The following TRPC7 variants were observed in gnomAD, a reference collection of about 807,000 sequenced individuals.
The protein encoded by TRPC7 is transient receptor potential cation channel subfamily C member 7.
In TRPC7, 42 loss-of-function variants were observed where a neutral mutation model predicts 90.1. That is an observed-to-expected ratio of 0.47 (90% CI 0.36 to 0.60). The LOEUF is 0.60. Among genes scored for constraint, TRPC7 ranks in the 20% least tolerant of loss-of-function variants. The probability of loss-of-function intolerance (pLI) is 0.00; values close to 1 mark genes in which losing one functional copy is unlikely to be tolerated. For synonymous variants in TRPC7, 451 were observed against 436.3 expected (o/e 1.03, Z -0.42); for missense variants, 955 against 1,112.3 (o/e 0.86, Z 2.01).
intron 4 of TRPC7, among the ~76,000 whole-genome samples, chr5:136,270,761 C>T (rs1269377546): frequency 6.6e-6 from 1 of 152,190 alleles, no homozygotes; most frequent in African/African-American, 2.4e-5. Context: ...TGGGCTAAGT[C>T]TGAAAGTGAT....
chr5:136,355,607 G>A (rs1381037670), intron 2 of TRPC7, among the ~76,000 whole-genome samples: 1 of 74,584 alleles, frequency 1.3e-5, no homozygotes, highest in African/African-American at 3.3e-5. Context: ...GACCATCCTG[G>A]CTAACATGGT....
chr5:136,363,279 C>G (rs1760624620), intron 1 of TRPC7, among the ~76,000 whole-genome samples: 1 of 152,108 alleles, frequency 6.6e-6, no homozygotes, highest in Non-Finnish European at 1.5e-5. Context: ...CTAAGTATCA[C>G]CTTCCTTTTT....
At chr5:136,231,579 A>G (rs1442926405) in intron 7 of TRPC7, 30 bp from the exon 8 acceptor site, 2 of 1,544,896 alleles carry the variant, frequency 1.3e-6, no homozygotes, top group Admixed American at 1.9e-5. Context: ...CCTTTTACGC[A>G]GTTTGCATCA....
At chr5:136,245,012 C>T (rs1017824576) in intron 7 of TRPC7, among the ~76,000 whole-genome samples, 3 of 152,196 alleles carry the variant, frequency 2.0e-5, no homozygotes, top group Non-Finnish European at 4.4e-5. Context: ...CACTTTATGC[C>T]AAGCATTGCA....
rs529330866 is a variant in TRPC7 at position 136,299,340 on chromosome 5, CGTGTGTGTGTGTGTGT to C, written c.963+16241_963+16256del. ...GAAATTTCTCTGACTGGGGTGTGTGCGTGTGTGTGTGTGTGTGTGTGTGTGTGTGTGTGTGTGTGGT... is the reference window on the plus strand; with the variant it reads ...GAAATTTCTCTGACTGGGGTGTGTGCGTGTGTGTGTGTGTGTGTGTGTGGT... On this transcript the variant is annotated intron_variant, in intron 3 of 11. Transcript: ENST00000513104. 1.6e-4 allele frequency among the ~76,000 whole-genome samples: 20 copies of C among 122,724 alleles called. 2 individuals carry two copies. The highest frequency in any genetic ancestry group is 1.3e-3 in the Admixed American group (16 of 12,228). 80.5% of individuals were successfully genotyped at this position (122,724 alleles called of 152,430 possible).
chr5:136,216,179 G>T (rs1289810838), intron 11 of TRPC7, 21 bp downstream of exon 11: 3 of 1,600,252 alleles, frequency 1.9e-6, no homozygotes, highest in Admixed American at 3.4e-5. Context: ...TCACCACGTG[G>T]GTGGAAATCC....
chr5:136,287,838 A>G (rs1757783485), intron 3 of TRPC7, among the ~76,000 whole-genome samples: 1 of 151,954 alleles, frequency 6.6e-6, no homozygotes, highest in South Asian at 2.1e-4. Context: ...GGAGAAGGGC[A>G]TAGACCAAGA....
intron 10 of TRPC7, among the ~76,000 whole-genome samples, chr5:136,219,877 A>T (rs1326301171): frequency 6.6e-6 from 1 of 152,212 alleles, no homozygotes; most frequent in Admixed American, 6.5e-5. Context: ...AAAGCCTGAA[A>T]TGGTTGGAGA....
intron 3 of TRPC7, among the ~76,000 whole-genome samples, chr5:136,303,086 A>G (rs563769239): frequency 8.5e-5 from 13 of 152,230 alleles, no homozygotes; most frequent in African/African-American, 2.6e-4. Context: ...TTCCGTGACT[A>G]GCCCTCCCCC....
intron 2 of TRPC7, among the ~76,000 whole-genome samples, chr5:136,341,923 C>T (rs563883586): frequency 6.2e-4 from 94 of 152,234 alleles, no homozygotes; most frequent in South Asian, 1.2e-3. Context: ...TTGCTGAAGT[C>T]GTTTTAAGAA....
At chr5:136,234,457 G>A (rs183993677) in intron 7 of TRPC7, among the ~76,000 whole-genome samples, 3 of 152,092 alleles carry the variant, frequency 2.0e-5, no homozygotes, top group African/African-American at 4.8e-5. Flanking sequence ...TTACAGGCGC[G>A]CGCCACTGTG....
chr5:136,213,458 C>G lies in TRPC7; in HGVS notation c.2566G>C (p.Val856Leu). The G allele has an allele frequency of 1.9e-6, 3 of 1,613,980 alleles. No individual in the cohort carries two copies. Among genetic ancestry groups the G allele is most frequent in the Non-Finnish European group, 2.5e-6 (3 of 1,179,898 alleles). Reference protein sequence around the residue: ...GKNLNKDHLRVNKGKDI With the variant: ...GKNLNKDHLRLNKGKDI ...TGCTAAATGTCTTTGCCCTTGTTCACCCTCAGGTGGTCTTTGTTTAAGTTC... is the reference window on the plus strand; with the variant it reads ...TGCTAAATGTCTTTGCCCTTGTTCAGCCTCAGGTGGTCTTTGTTTAAGTTC... The change falls in exon 12 of 12, where the codon GTG (valine) becomes CTG (leucine). Residue 856 changes from valine (V) to leucine (L), a missense_variant. By Grantham distance (32) the Val-to-Leu change is conservative (BLOSUM62 1). Transcript: ENST00000513104.
At chr5:136,363,364 A>G (rs1270498819) in intron 1 of TRPC7, among the ~76,000 whole-genome samples, 1 of 152,172 alleles carries the variant, frequency 6.6e-6, no homozygotes, top group Non-Finnish European at 1.5e-5. Context: ...GAAATTGGAT[A>G]TTATTAGCTC....
At chr5:136,344,557 A>G (rs188366281) in intron 2 of TRPC7, among the ~76,000 whole-genome samples, 21 of 152,362 alleles carry the variant, frequency 1.4e-4, no homozygotes, top group African/African-American at 4.3e-4. Context: ...TTAGAGAAAC[A>G]CAAATTAAAA....
chr5:136,259,590 G>A (rs1756791155), intron 5 of TRPC7, among the ~76,000 whole-genome samples: 1 of 152,204 alleles, frequency 6.6e-6, no homozygotes, highest in South Asian at 2.1e-4. Flanking sequence ...TTATTACACA[G>A]TTCTCAGATG....
At chr5:136,327,459 T>C (rs970503561) in intron 2 of TRPC7, among the ~76,000 whole-genome samples, 3 of 152,050 alleles carry the variant, frequency 2.0e-5, no homozygotes, top group Admixed American at 1.3e-4. Context: ...CAGCCAGTCT[T>C]TAGAGAGGGC....
rs376303486 is a variant in TRPC7, at chr5:136,247,602, C to T, written c.1713G>A (p.Ser571=). Reference sequence around the variant, plus strand: ...AGATATCTTTCACAGTTCTCCCTAGCGAGATCTGCAGGGGCCCAAAACTCT... The same window carrying T: ...AGATATCTTTCACAGTTCTCCCTAGTGAGATCTGCAGGGGCCCAAAACTCT... ...ANESFGPLQI[S]LGRTVKDIFK... is the part of the protein sequence containing the mutation. The change falls in exon 7 of 12, where the codon TCG becomes TCA. Residue 571 remains serine, a synonymous_variant. Coordinates refer to ENST00000513104, the MANE Select transcript of TRPC7 (RefSeq NM_020389.3). The surrounding 1 kb of genome is among the most constrained non-coding windows in gnomAD (Gnocchi z 4.2). 2.4e-5 allele frequency: 38 copies of T among 1,613,858 alleles called. No individual in the cohort carries two copies. In the African/African-American group the frequency reaches 2.7e-4, roughly 11 times the overall value.
At chr5:136,316,919 G>A (rs1337515329) in intron 2 of TRPC7, among the ~76,000 whole-genome samples, 1 of 152,186 alleles carries the variant, frequency 6.6e-6, no homozygotes. Context: ...TCCAGAACAT[G>A]GATTTTTCAG....
chr5:136,249,044 A>T (rs1756437295), intron 6 of TRPC7, among the ~76,000 whole-genome samples: 1 of 152,140 alleles, frequency 6.6e-6, no homozygotes, highest in Admixed American at 6.5e-5. Flanking sequence ...GCATTGAGAA[A>T]CCTAAATTAG....
Sources: gnomAD v4.1 joint callset for allele counts (sites outside exome capture counted in the v4.1 genomes callset) on GRCh38, gnomAD v4.1.1 for gene constraint, Gnocchi (gnomAD v3.1) non-coding constraint, MANE v1.5 for transcripts, NCBI Gene and HGNC (gene_info 2026-07-23, HGNC 2026-07-21) for gene names.